Variants in RCVRN observed in about 807,000 individuals in gnomAD.
RCVRN encodes recoverin.
A neutral mutation model predicts 20.4 loss-of-function variants in RCVRN; 23 were observed. The observed-to-expected ratio is 1.13, with a 90% CI of 0.81 to 1.60. The LOEUF (loss-of-function observed/expected upper bound fraction) is 1.60, where lower values mean the gene tolerates loss of function less well. Among genes scored for constraint, RCVRN ranks in the 40% most tolerant of loss-of-function variants. The probability of loss-of-function intolerance (pLI) is 0.00; values close to 1 mark genes in which losing one functional copy is unlikely to be tolerated. For synonymous variants in RCVRN, 105 were observed against 105.9 expected, an observed-to-expected ratio of 0.99 and a Z score of 0.05; for missense variants, 254 against 254.2, an observed-to-expected ratio of 1.00 and a Z score of 0.00.
intron 2 of RCVRN, among the ~76,000 whole-genome samples, chr17:9,900,391 C>T (rs574999910): frequency 1.7e-4 from 25 of 149,512 alleles, no homozygotes; most frequent in Non-Finnish European, 3.5e-4. Flanking sequence ...CCAAGACTGA[C>T]AGGGGCACTG....
intron 2 of RCVRN, 46 bp from the exon 3 acceptor site, chr17:9,898,250 T>C (rs1211627232): frequency 1.6e-6 from 2 of 1,230,474 alleles, no homozygotes; most frequent in Non-Finnish European, 2.4e-6. Flanking sequence ...CAGTCAGGAT[T>C]GATAGCCAAG....
chr17:9,897,881 AC>A lies in RCVRN; in HGVS notation c.*213del. ...GGCATGATGGGAGGGAATGCTGAAGACCCAGGAAGAAGGAACCAGTGGGTCA... is the reference window on the plus strand; with the variant it reads ...GGCATGATGGGAGGGAATGCTGAAGACCAGGAAGAAGGAACCAGTGGGTCA... On this transcript the variant is annotated 3_prime_UTR_variant, in exon 3 of 3. Transcript: ENST00000226193. The A allele has an allele frequency of 1.8e-6, 1 of 548,446 alleles. No homozygotes were observed. The allele number at this position is 548,446 out of a possible 1,614,324, so 34.0% of individuals were successfully genotyped here. A position where few individuals can be genotyped will look rare whatever the true frequency, so the allele number is the denominator to read the frequency against.
At chr17:9,898,769 C>A (rs1202669637) in intron 2 of RCVRN, among the ~76,000 whole-genome samples, 1 of 152,158 alleles carries the variant, frequency 6.6e-6, no homozygotes, top group Non-Finnish European at 1.5e-5. Context: ...TTGGCACCTG[C>A]AGCACACAGG....
chr17:9,904,738 G>C lies in RCVRN; in HGVS notation c.381+62C>G. 9 of 1,555,068 alleles carry C rather than the reference G, an allele frequency of 5.8e-6. No individual in the cohort carries two copies. The Admixed American group carries it at 7.1e-5, about 12-fold the overall frequency. The stretch of plus-strand genomic sequence containing the variant: ...ACTCCCTCTGCAGCAGCTGCAGCAG[G>C]GGACCCCCAGCCCGGAGCGACCCCG... On this transcript the variant is annotated intron_variant, in intron 1 of 2. Transcript: ENST00000226193. This position sits in a 1 kb window ranked among gnomAD's most constrained non-coding sequence, Gnocchi z 5.8.
At chr17:9,903,331 A>G (rs981774737) in intron 1 of RCVRN, among the ~76,000 whole-genome samples, 2 of 152,240 alleles carry the variant, frequency 1.3e-5, no homozygotes, top group Admixed American at 1.3e-4. Context: ...AAAGGATCTG[A>G]CAGGAGGACA....
rs1235477963 is a variant in RCVRN, at chr17:9,904,848, C to T, written c.333G>A (p.Val111=). 1.9e-6 allele frequency: 3 copies of T among 1,614,052 alleles called. No homozygotes were observed. The highest frequency in any genetic ancestry group is 2.5e-6 in the Non-Finnish European group (3 of 1,180,026). ...TCTTGCTGATGGTCCCGTTACCGTC[C>T]ACGTCGTAGAGGGAGAAGGCCCACT... ...KLEWAFSLYD[V]DGNGTISKNE... Residue 111 remains valine (V), a synonymous_variant, in exon 1 of 3, where the codon GTG becomes GTA. Coordinates refer to ENST00000226193, the MANE Select transcript of RCVRN (RefSeq NM_002903.3). This position sits in a 1 kb window ranked among gnomAD's most constrained non-coding sequence, Gnocchi z 5.8.
chr17:9,898,074 AG>A lies in RCVRN; in HGVS notation c.*20del. On this transcript the variant is annotated 3_prime_UTR_variant, in exon 3 of 3. Transcript: ENST00000226193. ...TGTCATGTGAGTGGTAGGTGGAGGGAGGACAGCTGAACAGTTGGCATCAGGC... is the reference window on the plus strand; with the variant it reads ...TGTCATGTGAGTGGTAGGTGGAGGGAGACAGCTGAACAGTTGGCATCAGGC... The A allele has an allele frequency of 6.4e-7, 1 of 1,551,702 alleles. No individual in the cohort carries two copies. The highest frequency in any genetic ancestry group is 2.2e-5 in the East Asian group (1 of 44,542).
intron 1 of RCVRN, 24 bp from the exon 2 acceptor site, chr17:9,901,124 C>T: frequency 7.1e-7 from 1 of 1,414,534 alleles, no homozygotes; most frequent in Non-Finnish European, 9.9e-7. Flanking sequence ...AAAGAAAGAA[C>T]TCGTTAGGAG....
At position 9,904,830 on chromosome 17, in the gene RCVRN, G is replaced by T. The variant is rs771606674; in HGVS notation, c.351C>A (p.Ile117=). 6.2e-7 allele frequency: 1 copy of T among 1,614,168 alleles called. No individual in the cohort carries two copies. The highest frequency in any genetic ancestry group is 1.1e-5 in the South Asian group (1 of 91,086). The change falls in exon 1 of 3, where the codon ATC becomes ATA. Residue 117 remains isoleucine (I), a synonymous_variant. Transcript: ENST00000226193. This position sits in a 1 kb window ranked among gnomAD's most constrained non-coding sequence, Gnocchi z 5.8. ...SLYDVDGNGT[I]SKNEVLEIVM... The stretch of plus-strand genomic sequence containing the variant: ...CGATCTCCAGCACTTCATTCTTGCT[G>T]ATGGTCCCGTTACCGTCCACGTCGT...
Position 9,904,818 on chromosome 17 carries a change from T to C in RCVRN, c.363A>G (p.Glu121=). ...VDGNGTISKN[E]VLEIVMAIFK... ...GACTGACCATGACGATCTCCAGCAC[T>C]TCATTCTTGCTGATGGTCCCGTTAC... Residue 121 remains glutamate, a synonymous_variant, in exon 1 of 3, where the codon GAA becomes GAG. Transcript: ENST00000226193. This position sits in a 1 kb window ranked among gnomAD's most constrained non-coding sequence, Gnocchi z 5.8. 2 of 1,614,040 alleles carry C rather than the reference T, an allele frequency of 1.2e-6. No individual in the cohort carries two copies. The highest frequency in any genetic ancestry group is 1.7e-6 in the Non-Finnish European group (2 of 1,179,968).
At chr17:9,898,787 A>C (rs1258478588) in intron 2 of RCVRN, among the ~76,000 whole-genome samples, 1 of 152,148 alleles carries the variant, frequency 6.6e-6, no homozygotes, top group Non-Finnish European at 1.5e-5. Flanking sequence ...AGGCAGCCCC[A>C]TGATTCCTGG....
In RCVRN at chr17:9,904,923, G is replaced by A. The variant is rs764982768; in HGVS notation, c.258C>T (p.Tyr86=). ...CGGTGGTCATGTGCAGGGCGATGAC[G>A]TACTCCTTGAAGTCCAGGGTGCCGT... ...NLDGTLDFKE[Y]VIALHMTTAG... Residue 86 remains tyrosine (Y), a synonymous_variant, in exon 1 of 3, where the codon TAC becomes TAT. Transcript: ENST00000226193. The surrounding 1 kb of genome is among the most constrained non-coding windows in gnomAD (Gnocchi z 5.8). 2.6e-5 allele frequency: 42 copies of A among 1,614,096 alleles called. No individual in the cohort carries two copies. In the East Asian group the frequency reaches 5.3e-4, roughly 21 times the overall value.
chr17:9,904,652 A>G lies in RCVRN; in HGVS notation c.381+148T>C, dbSNP rs960252616. The G allele has an allele frequency of 3.5e-6, 3 of 867,624 alleles. No homozygotes were observed. The highest frequency in any genetic ancestry group is 2.7e-5 in the Admixed American group (1 of 37,444). 53.7% of individuals were successfully genotyped at this position (867,624 alleles called of 1,614,324 possible). On this transcript the variant is annotated intron_variant, in intron 1 of 2. Coordinates refer to ENST00000226193, the MANE Select transcript of RCVRN (RefSeq NM_002903.3). The surrounding 1 kb of genome is among the most constrained non-coding windows in gnomAD (Gnocchi z 5.8). The stretch of plus-strand genomic sequence containing the variant: ...TGCCCACCCCTCTATCAATATCAGC[A>G]TCTCGGAGCACCACGCTCTCAGAGC...
Position 9,899,454 on chromosome 17 carries a change from C to T in RCVRN, c.494-1250G>A, listed in dbSNP as rs796775964. ...ACGAACAGGAGTAACACGTCGACCT[C>T]GGGGCTTCTGACGTCATCCCCTCCC... On this transcript the variant is annotated intron_variant, in intron 2 of 2. Transcript: ENST00000226193. This position sits in a 1 kb window ranked among gnomAD's most constrained non-coding sequence, Gnocchi z 4.6. 2.3e-4 allele frequency among the ~76,000 whole-genome samples: 35 copies of T among 152,328 alleles called. No homozygotes were observed. Among genetic ancestry groups the T allele is most frequent in the African/African-American group, 6.5e-4 (27 of 41,564 alleles).
chr17:9,898,957 C>T (rs1285066029), intron 2 of RCVRN, among the ~76,000 whole-genome samples: 1 of 152,148 alleles, frequency 6.6e-6, no homozygotes, highest in Admixed American at 6.5e-5. Flanking sequence ...TCAGATCAGT[C>T]CAGTTAAATG....
At position 9,899,247 on chromosome 17, in the gene RCVRN, C is replaced by T. The variant is rs1323226184; in HGVS notation, c.494-1043G>A. On this transcript the variant is annotated intron_variant, in intron 2 of 2. Transcript: ENST00000226193. The surrounding 1 kb of genome is among the most constrained non-coding windows in gnomAD (Gnocchi z 4.6). ...TCTGGGCCTTTTGGATACCTTTAATCCCTTCTGGGTTAGGATCCAGGATGG... is the reference window on the plus strand; with the variant it reads ...TCTGGGCCTTTTGGATACCTTTAATTCCTTCTGGGTTAGGATCCAGGATGG... Among the ~76,000 whole-genome samples, 3 of 152,142 alleles carry T rather than the reference C, an allele frequency of 2.0e-5. No individual in the cohort carries two copies. The highest frequency in any genetic ancestry group is 4.4e-5 in the Non-Finnish European group (3 of 68,024).
Position 9,899,723 on chromosome 17 carries a change from A to T in RCVRN, c.493+1266T>A, listed in dbSNP as rs1311025368. Among the ~76,000 whole-genome samples the T allele has an allele frequency of 1.3e-5, 2 of 152,158 alleles. No individual in the cohort carries two copies. The highest frequency in any genetic ancestry group is 4.8e-5 in the African/African-American group (2 of 41,428). ...AAGGCGCGAATTTAAGGAGGCGCTC[A>T]CTTTCAGGTCCTGTGAGTGCATTGT... is the stretch of plus-strand genomic sequence containing the variant. On this transcript the variant is annotated intron_variant, in intron 2 of 2. Transcript: ENST00000226193. The surrounding 1 kb of genome is among the most constrained non-coding windows in gnomAD (Gnocchi z 4.6).
Position 9,904,576 on chromosome 17 carries a change from T to G in RCVRN, c.381+224A>C, listed in dbSNP as rs1369905807. Among the ~76,000 whole-genome samples the G allele has an allele frequency of 6.6e-6, 1 of 152,180 alleles. No homozygotes were observed. Among genetic ancestry groups the G allele is most frequent in the African/African-American group, 2.4e-5 (1 of 41,450 alleles). On this transcript the variant is annotated intron_variant, in intron 1 of 2. Coordinates refer to ENST00000226193, the MANE Select transcript of RCVRN (RefSeq NM_002903.3). This position sits in a 1 kb window ranked among gnomAD's most constrained non-coding sequence, Gnocchi z 5.8. The stretch of plus-strand genomic sequence containing the variant: ...TGAAGCCAAGCATAACATGGCTGTA[T>G]TAGGAAACACTCAGATTCTGCTCCG...
Position 9,898,165 on chromosome 17 carries a change from G to C in RCVRN, c.533C>G (p.Ala178Gly), listed in dbSNP as rs1322393545. Reference sequence around the variant, plus strand: ...GATCAGTCGCAGAATTTCCTTATTGGCCAGTGTCCCCTCAATGAATTCTTT... The same window carrying C: ...GATCAGTCGCAGAATTTCCTTATTGCCCAGTGTCCCCTCAATGAATTCTTT... ...TEKEFIEGTL[A>G]NKEILRLIQF... The change falls in exon 3 of 3, where the codon GCC becomes GGC. Residue 178 changes from alanine to glycine, a missense_variant. Coordinates refer to ENST00000226193, the MANE Select transcript of RCVRN (RefSeq NM_002903.3). The C allele has an allele frequency of 3.7e-6, 6 of 1,613,582 alleles. No homozygotes were observed. Among genetic ancestry groups the C allele is most frequent in the Admixed American group, 1.7e-5 (1 of 60,000 alleles).
Sources: allele counts gnomAD v4.1 joint callset (sites outside exome capture counted in the v4.1 genomes callset), GRCh38; gene constraint gnomAD v4.1.1; non-coding constraint Gnocchi (gnomAD v3.1); transcripts MANE v1.5; gene names NCBI Gene and HGNC (gene_info 2026-07-23, HGNC 2026-07-21).